The following AASDH variants were observed in gnomAD, a reference collection of about 807,000 sequenced individuals.
AASDH encodes aminoadipate-semialdehyde dehydrogenase, also known as beta-alanine-activating enzyme.
AASDH carries 81 observed loss-of-function variants against 102.3 expected under a neutral mutation model. That is an observed-to-expected ratio of 0.79 (90% CI 0.66 to 0.95). The LOEUF (loss-of-function observed/expected upper bound fraction) is 0.95. AASDH is among the 40% of genes least tolerant of loss of function. The probability of loss-of-function intolerance (pLI) is 0.00; values close to 1 mark genes in which losing one functional copy is unlikely to be tolerated. For missense variants in AASDH, 1,203 were observed against 1,266.2 expected, an observed-to-expected ratio of 0.95 and a Z score of 0.76; for synonymous variants, 398 against 454.0, an observed-to-expected ratio of 0.88 and a Z score of 1.57.
chr4:56,354,271 A>G lies in AASDH; in HGVS notation c.1211-60T>C, dbSNP rs191100252. Reference sequence around the variant, plus strand: ...CCAAGGGAAATATATTAAAAACCATAAAATCAACATCTCCAAAAGTTCAGT... The same window carrying G: ...CCAAGGGAAATATATTAAAAACCATGAAATCAACATCTCCAAAAGTTCAGT... On this transcript the variant is annotated intron_variant, in intron 7 of 14. Transcript: ENST00000205214. 26 of 1,409,250 alleles carry G rather than the reference A, an allele frequency of 1.8e-5. No homozygotes were observed. The African/African-American group carries it at 3.2e-4, about 17-fold the overall frequency. The allele number at this position is 1,409,250 out of a possible 1,614,324, so 87.3% of individuals were successfully genotyped here.
rs764536756 is a variant in AASDH at position 56,351,538 on chromosome 4, T to C, written c.1577-81A>G. On this transcript the variant is annotated intron_variant, in intron 9 of 14. Transcript: ENST00000205214. ...AGCCTTTATATATTCATTAGCCATA[T>C]ACATTTTTCTTTGTACAACACAGAA... 264 of 759,620 alleles carry C rather than the reference T, an allele frequency of 3.5e-4. 1 individual carries two copies. The East Asian group carries it at 5.3e-3, about 15-fold the overall frequency. The allele number at this position is 759,620 out of a possible 1,614,324, so 47.1% of individuals were successfully genotyped here. A position where few individuals can be genotyped will look rare whatever the true frequency, so the allele number is the denominator to read the frequency against.
chr4:56,387,207 A>C (rs1753673259), intron 1 of AASDH, among the ~76,000 whole-genome samples, 155 bp downstream of exon 1: 2 of 152,164 alleles, frequency 1.3e-5, no homozygotes, highest in Admixed American at 1.3e-4. Flanking sequence ...GTTAGTCTGC[A>C]CCACACCAGC....
intron 8 of AASDH, 49 bp from the exon 9 acceptor site, chr4:56,353,645 G>T: frequency 1.3e-6 from 2 of 1,482,942 alleles, no homozygotes; most frequent in South Asian, 1.3e-5. Flanking sequence ...TTACAAACAA[G>T]CTTCCTAAAA....
rs1748735416 is a variant in AASDH, at chr4:56,349,537, T to C, written c.2214A>G (p.Ala738=). The C allele has an allele frequency of 1.9e-6, 3 of 1,614,218 alleles. No homozygotes were observed. The highest frequency in any genetic ancestry group is 2.5e-6 in the Non-Finnish European group (3 of 1,180,038). The change falls in exon 11 of 15, where the codon GCA becomes GCG. Residue 738 remains alanine (A), a synonymous_variant. Transcript: ENST00000205214. ...CAGGTTTCCCCTCTTCAGAAACTTT[T>C]GCAACACAGGATGGATCTTTTGACT... ...IGKSKDPSCV[A]KVSEEGKPAI... is the part of the protein sequence containing the mutation.
chr4:56,381,249 C>A (rs1322286606), intron 3 of AASDH, among the ~76,000 whole-genome samples: 4 of 152,154 alleles, frequency 2.6e-5, no homozygotes, highest in African/African-American at 9.7e-5. Context: ...ATTTCGGCTA[C>A]ACACTAATAA....
intron 1 of AASDH, among the ~76,000 whole-genome samples, chr4:56,386,361 C>T (rs1470698281): frequency 6.6e-6 from 1 of 152,112 alleles, no homozygotes; most frequent in Non-Finnish European, 1.5e-5. Context: ...TTCCATTTTC[C>T]CAATGGTTGC....
chr4:56,340,497 CCT>C (rs1385988531), intron 14 of AASDH, among the ~76,000 whole-genome samples: 5 of 152,028 alleles, frequency 3.3e-5, no homozygotes, highest in African/African-American at 1.2e-4. Context: ...AAACCAGACC[CCT>C]CTCTCTCACT....
intron 3 of AASDH, chr4:56,381,946 C>A (rs1245422657): frequency 6.6e-6 from 1 of 152,038 alleles, no homozygotes; most frequent in African/African-American, 2.4e-5. Context: ...AATAAATTTA[C>A]TTTTCTGGAA....
intron 11 of AASDH, among the ~76,000 whole-genome samples, chr4:56,347,953 C>A (rs1748507420): frequency 6.6e-6 from 1 of 151,930 alleles, no homozygotes; most frequent in African/African-American, 2.4e-5. Flanking sequence ...GAGTTCAATA[C>A]CAGCCTGACC....
chr4:56,377,448 C>A (rs1236569412), intron 4 of AASDH, among the ~76,000 whole-genome samples: 2 of 152,232 alleles, frequency 1.3e-5, no homozygotes, highest in African/African-American at 4.8e-5. Flanking sequence ...GTTCAGCCTT[C>A]AACAGGGCAT....
rs1057149806 is a variant in AASDH at position 56,338,760 on chromosome 4, A to G, written c.2939T>C (p.Phe980Ser). Residue 980 changes from phenylalanine (F) to serine (S), a missense_variant, in exon 15 of 15, where the codon TTT (phenylalanine) becomes TCT (serine). Coordinates refer to ENST00000205214, the MANE Select transcript of AASDH (RefSeq NM_181806.4). ...VWQFSTSGPI[F>S]SSPCTSPSEQ... ...TGATGGTGAGGTACACGGGGATGAA[A>G]AGATTGGTCCACTGGTAGAGAACTG... The G allele has an allele frequency of 3.1e-6, 5 of 1,614,046 alleles. No individual in the cohort carries two copies. In the African/African-American group the frequency reaches 6.7e-5, roughly 22 times the overall value.
At position 56,342,872 on chromosome 4, in the gene AASDH, T is replaced by A; in HGVS notation, c.2870A>T (p.Asp957Val). The change falls in exon 14 of 15, where the codon GAT becomes GTT. Residue 957 changes from aspartate (D) to valine (V), a missense_variant. Transcript: ENST00000205214. The stretch of plus-strand genomic sequence containing the variant: ...GTGAGTAAAGCAGAGTAAATTCCCA[T>A]CTACACAGCCAATACAAATATACTG... ...CSQYICIGCV[D>V]GNLLCFTHFG... 1 of 1,545,974 alleles carries A rather than the reference T, an allele frequency of 6.5e-7. No homozygotes were observed. Among genetic ancestry groups the A allele is most frequent in the Non-Finnish European group, 8.7e-7 (1 of 1,144,304 alleles).
intron 7 of AASDH, 95 bp downstream of exon 7, chr4:56,354,610 G>C: frequency 1.1e-6 from 1 of 882,194 alleles, no homozygotes; most frequent in Admixed American, 2.5e-5. Flanking sequence ...TGAAAAGCAT[G>C]AGATAGACAA....
At chr4:56,372,453 A>G (rs1392743873) in intron 4 of AASDH, among the ~76,000 whole-genome samples, 9 of 152,140 alleles carry the variant, frequency 5.9e-5, no homozygotes, top group Non-Finnish European at 1.2e-4. Flanking sequence ...TCTATTTAGC[A>G]TTTTCTTTCA....
In AASDH at chr4:56,371,432, C is replaced by T. The variant is rs1265358660; in HGVS notation, c.861+19G>A. ...ATTGAAAAATGATAAACAAAACGTT[C>T]ATTGCTACTAAAATGTACCTGCAAA... On this transcript the variant is annotated intron_variant, in intron 5 of 14. Coordinates refer to ENST00000205214, the MANE Select transcript of AASDH (RefSeq NM_181806.4). 3.2e-6 allele frequency: 5 copies of T among 1,576,482 alleles called. No homozygotes were observed. The African/African-American group carries it at 6.9e-5, about 22-fold the overall frequency.
Position 56,345,173 on chromosome 4 carries a change from A to G in AASDH, c.2606T>C (p.Ile869Thr). The G allele has an allele frequency of 6.2e-7, 1 of 1,614,132 alleles. No individual in the cohort carries two copies. Among genetic ancestry groups the G allele is most frequent in the Non-Finnish European group, 8.5e-7 (1 of 1,180,024 alleles). The change falls in exon 12 of 15, where the codon ATT becomes ACT. Residue 869 changes from isoleucine (I) to threonine (T), a missense_variant. Transcript: ENST00000205214. ...GTGCTGGTCATGAGATCCAATGTAA[A>G]TGAGTCCTGTGGTTGGATCCATGGT... is the stretch of plus-strand genomic sequence containing the variant. ...SATMDPTTGL[I>T]YIGSHDQHAY...
Position 56,345,242 on chromosome 4 carries a change from T to C in AASDH, c.2537A>G (p.Lys846Arg), listed in dbSNP as rs1748195313. Residue 846 changes from lysine to arginine, a missense_variant, in exon 12 of 15, where the codon AAA (lysine) becomes AGA (arginine). Lys to Arg is a conservative substitution (Grantham distance 26). Transcript: ENST00000205214. ...VYVLKSNSGE[K>R]YWMFTTEDAV... Reference sequence around the variant, plus strand: ...ATCTTCAGTAGTAAACATCCAGTATTTTTCTCCACTATTACTTTTCAGAAC... The same window carrying C: ...ATCTTCAGTAGTAAACATCCAGTATCTTTCTCCACTATTACTTTTCAGAAC... The C allele has an allele frequency of 6.2e-7, 1 of 1,613,796 alleles. No individual in the cohort carries two copies. The highest frequency in any genetic ancestry group is 1.7e-5 in the Admixed American group (1 of 59,984).
chr4:56,349,458 T>C lies in AASDH; in HGVS notation c.2293A>G (p.Lys765Glu), dbSNP rs1426578180. Residue 765 changes from lysine to glutamate, a missense_variant, in exon 11 of 15, where the codon AAA becomes GAA. Transcript: ENST00000205214. ...ACCAGCGGTGAAGCATCTACACATT[T>C]GCCTGTGTCTGACCTCCACCTCACA... ...LHVRWRSDTGKCVDASPLVVI... is the reference protein window; with the variant it reads ...LHVRWRSDTGECVDASPLVVI... 6.2e-7 allele frequency: 1 copy of C among 1,614,088 alleles called. No individual in the cohort carries two copies. The highest frequency in any genetic ancestry group is 8.5e-7 in the Non-Finnish European group (1 of 1,180,044).
At chr4:56,382,981 C>T (rs1049014195) in intron 2 of AASDH, among the ~76,000 whole-genome samples, 7 of 152,122 alleles carry the variant, frequency 4.6e-5, no homozygotes, top group Non-Finnish European at 8.8e-5. Context: ...TGCTTGAACC[C>T]GGGAGGCGGA....
Sources: gnomAD v4.1 joint callset for allele counts (sites outside exome capture counted in the v4.1 genomes callset) on GRCh38, gnomAD v4.1.1 for gene constraint, MANE v1.5 for transcripts, NCBI Gene and HGNC (gene_info 2026-07-23, HGNC 2026-07-21) for gene names.